Variants in MAP2K5 observed in about 807,000 individuals in gnomAD.
The protein encoded by MAP2K5 is mitogen-activated protein kinase kinase 5, also known as dual specificity mitogen-activated protein kinase kinase 5.
A neutral mutation model predicts 83.1 loss-of-function variants in MAP2K5; 49 were observed. The ratio of observed to expected loss-of-function variants is 0.59; its 90% confidence interval spans 0.47 to 0.75. The LOEUF (loss-of-function observed/expected upper bound fraction) is 0.75. Ranked by LOEUF, MAP2K5 falls within the 30% of genes least tolerant of loss-of-function variation. MAP2K5 has a pLI of 0.00. For synonymous variants in MAP2K5, 202 were observed against 191.8 expected (o/e 1.05, Z -0.44); for missense variants, 457 against 557.5 (o/e 0.82, Z 1.82).
Position 67,736,293 on chromosome 15 carries a change from C to T in MAP2K5, c.1074+8348C>T, listed in dbSNP as rs1052298216. On this transcript the variant is annotated intron_variant, in intron 17 of 21. Transcript: ENST00000178640. This position sits in a 1 kb window ranked among gnomAD's most constrained non-coding sequence, Gnocchi z 4.3. The stretch of plus-strand genomic sequence containing the variant: ...ATTTTAAGGTCTCTGCCCTTGAGGA[C>T]AGTTGGCACATGCCCCTGAGGGGTT... 2.4e-4 allele frequency among the ~76,000 whole-genome samples: 36 copies of T among 152,344 alleles called. No homozygotes were observed. The highest frequency in any genetic ancestry group is 6.8e-3 in the Middle Eastern group (2 of 294).
In MAP2K5 at chr15:67,550,055, C is replaced by T; in HGVS notation, c.157C>T (p.Pro53Ser). 6.2e-7 allele frequency: 1 copy of T among 1,613,626 alleles called. No homozygotes were observed. Among genetic ancestry groups the T allele is most frequent in the Non-Finnish European group, 8.5e-7 (1 of 1,179,644 alleles). The change falls in exon 2 of 22, where the codon CCT (proline) becomes TCT (serine). Residue 53 changes from proline (P) to serine (S), a missense_variant. Physicochemically the swap from Pro to Ser is moderately conservative, Grantham distance 74. This residue lies in a region of MAP2K5 where 234 missense variants were observed against 243.6 expected (regional missense o/e 0.96). Transcript: ENST00000178640. ...DVLDVIGQVL[P>S]EATTTAFEYE... ...TTAGGATGTGATAGGCCAGGTTCTG[C>T]CTGAAGCAACAACTACAGCATTTGA...
intron 21 of MAP2K5, among the ~76,000 whole-genome samples, chr15:67,797,187 A>G (rs1423261145): frequency 6.6e-6 from 1 of 152,224 alleles, no homozygotes; most frequent in African/African-American, 2.4e-5. Flanking sequence ...ATCACAGTCC[A>G]GAATTTCATT....
At position 67,565,328 on chromosome 15, in the gene MAP2K5, T is replaced by G. The variant is rs1294661663; in HGVS notation, c.252+1978T>G. Among the ~76,000 whole-genome samples the G allele has an allele frequency of 2.6e-5, 4 of 151,988 alleles. No homozygotes were observed. Among genetic ancestry groups the G allele is most frequent in the Non-Finnish European group, 5.9e-5 (4 of 67,970 alleles). On this transcript the variant is annotated intron_variant, in intron 3 of 21. Transcript: ENST00000178640. The surrounding 1 kb of genome is among the most constrained non-coding windows in gnomAD (Gnocchi z 4.1). ...CACTGCAACCTCTGTCTCCCGGGTT[T>G]AAGCAATTCTCCTGCCTCAGCCTCC...
chr15:67,599,250 T>A (rs1342166324), intron 7 of MAP2K5, among the ~76,000 whole-genome samples: 1 of 152,246 alleles, frequency 6.6e-6, no homozygotes, highest in African/African-American at 2.4e-5. Flanking sequence ...AGGAAAATAG[T>A]TGCCAATTGT....
intron 13 of MAP2K5, among the ~76,000 whole-genome samples, chr15:67,689,087 CT>C (rs879819433): frequency 2.1e-4 from 32 of 152,242 alleles, no homozygotes; most frequent in Admixed American, 1.7e-3. Context: ...TTAAGTAACT[CT>C]TAGTATAAAA....
intron 20 of MAP2K5, among the ~76,000 whole-genome samples, 198 bp from the exon 21 acceptor site, chr15:67,772,509 A>T (rs1401789501): frequency 6.6e-6 from 1 of 152,222 alleles, no homozygotes; most frequent in Non-Finnish European, 1.5e-5. Flanking sequence ...TTTCTTACTC[A>T]TAATGTCCCC....
At chr15:67,655,626 C>A (rs918521467) in intron 11 of MAP2K5, among the ~76,000 whole-genome samples, 21 of 152,230 alleles carry the variant, frequency 1.4e-4, no homozygotes, top group African/African-American at 4.8e-4. Flanking sequence ...ACTTCTCTTG[C>A]TGCTTTCAAG....
At chr15:67,571,390 T>C (rs1013501469) in intron 3 of MAP2K5, among the ~76,000 whole-genome samples, 2 of 152,206 alleles carry the variant, frequency 1.3e-5, no homozygotes, top group African/African-American at 4.8e-5. Context: ...CTGTTTACTT[T>C]ATTATTTATA....
At chr15:67,595,608 T>C (rs1384371957) in intron 7 of MAP2K5, among the ~76,000 whole-genome samples, 1 of 152,250 alleles carries the variant, frequency 6.6e-6, no homozygotes, top group Non-Finnish European at 1.5e-5. Flanking sequence ...TTTCATTTTT[T>C]CCATTAATTT....
chr15:67,618,752 A>G (rs180709748), intron 8 of MAP2K5, among the ~76,000 whole-genome samples: 30 of 152,192 alleles, frequency 2.0e-4, no homozygotes, highest in African/African-American at 6.5e-4. Flanking sequence ...TCTTCCTCAA[A>G]AATATTTCAA....
In MAP2K5 at chr15:67,717,056, CT is replaced by C. The variant is rs2088843349; in HGVS notation, c.1045-10858del. Among the ~76,000 whole-genome samples the C allele has an allele frequency of 6.6e-6, 1 of 152,184 alleles. No individual in the cohort carries two copies. The highest frequency in any genetic ancestry group is 1.5e-5 in the Non-Finnish European group (1 of 68,036). ...ATTCTGACTCATGGATTCAAGTCTG[CT>C]TCTTCCATTATGCTTTAGGAAAGTA... On this transcript the variant is annotated intron_variant, in intron 16 of 21. Coordinates refer to ENST00000178640, the MANE Select transcript of MAP2K5 (RefSeq NM_145160.3). The surrounding 1 kb of genome is among the most constrained non-coding windows in gnomAD (Gnocchi z 4.1).
At chr15:67,657,521 A>T (rs1172349389) in intron 11 of MAP2K5, among the ~76,000 whole-genome samples, 2 of 152,044 alleles carry the variant, frequency 1.3e-5, no homozygotes, top group African/African-American at 4.8e-5. Context: ...TAATTTTGGT[A>T]AATAAGGGTG....
intron 11 of MAP2K5, among the ~76,000 whole-genome samples, chr15:67,653,187 T>G (rs543708747): frequency 6.6e-6 from 1 of 152,338 alleles, no homozygotes; most frequent in Non-Finnish European, 1.5e-5. Context: ...AAGTTGGTAG[T>G]AATGTTCCCT....
chr15:67,597,685 T>C (rs1247813479), intron 7 of MAP2K5, among the ~76,000 whole-genome samples: 2 of 152,162 alleles, frequency 1.3e-5, no homozygotes, highest in African/African-American at 2.4e-5. Flanking sequence ...TACTGGTTGA[T>C]TGTAGATCCC....
At chr15:67,759,555 G>C (rs1485614614) in intron 19 of MAP2K5, among the ~76,000 whole-genome samples, 1 of 63,852 alleles carries the variant, frequency 1.6e-5, no homozygotes, top group African/African-American at 6.1e-5. Context: ...GCGAGACTGT[G>C]TCTCAAAAAA....
intron 3 of MAP2K5, among the ~76,000 whole-genome samples, chr15:67,566,776 T>A (rs1258930043): frequency 6.6e-6 from 1 of 152,230 alleles, no homozygotes; most frequent in Non-Finnish European, 1.5e-5. Flanking sequence ...TTTAAATAGA[T>A]TTTTGTATTA....
intron 2 of MAP2K5, among the ~76,000 whole-genome samples, chr15:67,550,702 G>A (rs965792441): frequency 6.6e-6 from 1 of 152,098 alleles, no homozygotes; most frequent in African/African-American, 2.4e-5. Context: ...CCCGGATGCT[G>A]AGAGGGATGA....
At position 67,644,014 on chromosome 15, in the gene MAP2K5, T is replaced by TA. The variant is rs2086776163; in HGVS notation, c.586-2216dup. On this transcript the variant is annotated intron_variant, in intron 9 of 21. Coordinates refer to ENST00000178640, the MANE Select transcript of MAP2K5 (RefSeq NM_145160.3). This position sits in a 1 kb window ranked among gnomAD's most constrained non-coding sequence, Gnocchi z 4.6. ...ATAGTAATTCTGAATGTTAAGTTTT[T>TA]ATCTAGAAATGTCTAGAGCCAGAAA... Among the ~76,000 whole-genome samples the TA allele has an allele frequency of 6.6e-6, 1 of 152,248 alleles. No homozygotes were observed. The highest frequency in any genetic ancestry group is 2.1e-4 in the South Asian group (1 of 4,834).
At chr15:67,655,096 T>C (rs748770407) in intron 11 of MAP2K5, among the ~76,000 whole-genome samples, 1 of 152,040 alleles carries the variant, frequency 6.6e-6, no homozygotes, top group Non-Finnish European at 1.5e-5. Context: ...ACAAAAACTT[T>C]GCTTCTGTAT....
Sources: gnomAD v4.1 joint callset for allele counts (sites outside exome capture counted in the v4.1 genomes callset) on GRCh38, gnomAD v4.1.1 for gene constraint, gnomAD v4.1.1 regional missense constraint, Gnocchi (gnomAD v3.1) non-coding constraint, MANE v1.5 for transcripts, NCBI Gene and HGNC (gene_info 2026-07-23, HGNC 2026-07-21) for gene names.